GUCY1A2: variants seen among roughly 807,000 people sequenced by gnomAD.
GUCY1A2 encodes guanylate cyclase 1 soluble subunit alpha 2.
In GUCY1A2, 27 loss-of-function variants were observed where a neutral mutation model predicts 63.5. The ratio of observed to expected loss-of-function variants is 0.43; its 90% confidence interval spans 0.31 to 0.59. The LOEUF is 0.59. GUCY1A2 is among the 20% of genes least tolerant of loss of function. GUCY1A2 has a pLI of 0.11. For synonymous variants in GUCY1A2, 364 were observed against 343.5 expected, an observed-to-expected ratio of 1.06 and a Z score of -0.66; for missense variants, 768 against 913.3, an observed-to-expected ratio of 0.84 and a Z score of 2.05.
chr11:106,938,653 A>G (rs1303749146), intron 4 of GUCY1A2, among the ~76,000 whole-genome samples: 1 of 152,236 alleles, frequency 6.6e-6, no homozygotes, highest in Non-Finnish European at 1.5e-5. Context: ...GCATATTACT[A>G]AACATAAAAA....
intron 7 of GUCY1A2, among the ~76,000 whole-genome samples, chr11:106,694,840 C>A (rs553333002): frequency 6.6e-6 from 1 of 152,102 alleles, no homozygotes; most frequent in Non-Finnish European, 1.5e-5. Flanking sequence ...CAGCTTAGAA[C>A]CTGATTTTTA....
At chr11:106,747,092 A>G (rs1035292155) in intron 6 of GUCY1A2, among the ~76,000 whole-genome samples, 3 of 152,088 alleles carry the variant, frequency 2.0e-5, no homozygotes, top group African/African-American at 7.2e-5. Flanking sequence ...GGTTCACGCC[A>G]TTCTCCTGCC....
chr11:106,796,403 G>C (rs1022663169), intron 5 of GUCY1A2, among the ~76,000 whole-genome samples: 1 of 152,130 alleles, frequency 6.6e-6, no homozygotes. Context: ...TCCTAGCATC[G>C]ATGGTCTTTA....
chr11:106,804,492 G>T (rs1459491926), intron 5 of GUCY1A2, among the ~76,000 whole-genome samples: 2 of 152,120 alleles, frequency 1.3e-5, no homozygotes, highest in South Asian at 4.1e-4. Flanking sequence ...ACTTTGAAAG[G>T]CAACAAAACA....
At position 107,018,093 on chromosome 11, in the gene GUCY1A2, C is replaced by T. The variant is rs1162136016; in HGVS notation, c.-38G>A. The T allele has an allele frequency of 3.7e-6, 5 of 1,357,730 alleles. No individual in the cohort carries two copies. Among genetic ancestry groups the T allele is most frequent in the Non-Finnish European group, 4.8e-6 (5 of 1,031,268 alleles). The allele number at this position is 1,357,730 out of a possible 1,614,324, so 84.1% of individuals were successfully genotyped here. ...GCTGCAGCGGCCGAGGCGGTGGCGGCGAGGACGCGAGCGGCGGCGGAGGCG... is the reference window on the plus strand; with the variant it reads ...GCTGCAGCGGCCGAGGCGGTGGCGGTGAGGACGCGAGCGGCGGCGGAGGCG... On this transcript the variant is annotated 5_prime_UTR_variant, in exon 1 of 8. Transcript: ENST00000526355.
At chr11:106,851,640 A>G (rs1326660262) in intron 4 of GUCY1A2, among the ~76,000 whole-genome samples, 1 of 151,878 alleles carries the variant, frequency 6.6e-6, no homozygotes. Context: ...TGGATACTTT[A>G]TTGAAAGTCA....
At position 106,961,117 on chromosome 11, in the gene GUCY1A2, T is replaced by G. The variant is rs554678753; in HGVS notation, c.487+17502A>C. Among the ~76,000 whole-genome samples the G allele has an allele frequency of 7.9e-5, 12 of 152,128 alleles. No homozygotes were observed. The East Asian group carries it at 2.3e-3, about 29-fold the overall frequency. ...AATCACATCTCAGATTAGACTAGTC[T>G]CTTCAATGCATTGTGAGCACACCTT... On this transcript the variant is annotated intron_variant, in intron 3 of 7. Coordinates refer to ENST00000526355, the MANE Select transcript of GUCY1A2 (RefSeq NM_000855.3).
chr11:106,948,747 G>A (rs968522473), intron 3 of GUCY1A2, among the ~76,000 whole-genome samples: 3 of 152,100 alleles, frequency 2.0e-5, no homozygotes, highest in African/African-American at 4.8e-5. Context: ...GTAAATCTGT[G>A]TATATGAGAA....
chr11:106,864,301 T>C (rs1471922622), intron 4 of GUCY1A2, among the ~76,000 whole-genome samples: 2 of 152,038 alleles, frequency 1.3e-5, no homozygotes, highest in African/African-American at 4.8e-5. Flanking sequence ...GCAATTATTA[T>C]ATAATTTATA....
chr11:106,825,020 T>C (rs1565301633), intron 4 of GUCY1A2: 2 of 1,541,166 alleles, frequency 1.3e-6, no homozygotes, highest in Non-Finnish European at 8.8e-7. Context: ...ACTATTTTTG[T>C]AGTTAGACAA....
At chr11:106,755,405 GCT>G (rs979402742) in intron 6 of GUCY1A2, among the ~76,000 whole-genome samples, 10 of 151,854 alleles carry the variant, frequency 6.6e-5, no homozygotes, top group Non-Finnish European at 1.2e-4. Flanking sequence ...GAATTTGTTT[GCT>G]CTTACTTCTC....
At chr11:106,770,852 G>A (rs1170253830) in intron 6 of GUCY1A2, among the ~76,000 whole-genome samples, 3 of 130,540 alleles carry the variant, frequency 2.3e-5, no homozygotes, top group East Asian at 4.7e-4. Context: ...ATCAGGGAAT[G>A]CTGTGAGTCT....
In GUCY1A2 at chr11:106,751,589, C is replaced by T. The variant is rs539446591; in HGVS notation, c.1836+24850G>A. Among the ~76,000 whole-genome samples the T allele has an allele frequency of 2.6e-5, 4 of 152,080 alleles. No individual in the cohort carries two copies. The South Asian group carries it at 8.3e-4, about 32-fold the overall frequency. ...CTGAGCTATGGTTCTTAAGAGACCA[C>T]GTGCAAAAACATTTGCCAGTATTTT... On this transcript the variant is annotated intron_variant, in intron 6 of 7. Transcript: ENST00000526355.
At chr11:106,987,344 T>C (rs1861414893) in intron 1 of GUCY1A2, among the ~76,000 whole-genome samples, 1 of 152,144 alleles carries the variant, frequency 6.6e-6, no homozygotes, top group Non-Finnish European at 1.5e-5. Flanking sequence ...GTCTTAAAAA[T>C]ATATCGTCTA....
intron 4 of GUCY1A2, among the ~76,000 whole-genome samples, chr11:106,816,591 A>T: frequency 6.6e-6 from 1 of 151,596 alleles, no homozygotes; most frequent in Non-Finnish European, 1.5e-5. Context: ...AGAAGGGAGG[A>T]AACAAAAACC....
At chr11:106,962,929 C>T (rs927405958) in intron 3 of GUCY1A2, among the ~76,000 whole-genome samples, 3 of 151,924 alleles carry the variant, frequency 2.0e-5, no homozygotes, top group African/African-American at 7.2e-5. Context: ...AAAATATAGG[C>T]AGTGGTAATA....
intron 4 of GUCY1A2, among the ~76,000 whole-genome samples, chr11:106,837,211 T>C (rs1225131222): frequency 6.6e-6 from 1 of 151,546 alleles, no homozygotes; most frequent in Non-Finnish European, 1.5e-5. Flanking sequence ...TGAGTTCTCA[T>C]TATTTAGCTT....
At chr11:106,864,650 T>C (rs562510880) in intron 4 of GUCY1A2, among the ~76,000 whole-genome samples, 1 of 152,166 alleles carries the variant, frequency 6.6e-6, no homozygotes, top group Non-Finnish European at 1.5e-5. Context: ...ATTGAAGGCC[T>C]TTTCTGCATC....
chr11:106,998,246 A>G (rs1187127363), intron 1 of GUCY1A2, among the ~76,000 whole-genome samples: 2 of 152,212 alleles, frequency 1.3e-5, no homozygotes, highest in East Asian at 3.9e-4. Flanking sequence ...TGTTTGTCTC[A>G]TTACCTAATG....
Sources: gnomAD v4.1 joint callset for allele counts (sites outside exome capture counted in the v4.1 genomes callset) on GRCh38, gnomAD v4.1.1 for gene constraint, MANE v1.5 for transcripts, NCBI Gene and HGNC (gene_info 2026-07-23, HGNC 2026-07-21) for gene names.